The following TRPC5 variants were observed in gnomAD, a reference collection of about 807,000 sequenced individuals.
TRPC5 encodes the protein transient receptor potential cation channel subfamily C member 5, also known as short transient receptor potential channel 5.
TRPC5 carries 9 observed loss-of-function variants against 56.5 expected under a neutral mutation model. The ratio of observed to expected loss-of-function variants is 0.16; its 90% confidence interval spans 0.10 to 0.28. The LOEUF (loss-of-function observed/expected upper bound fraction) is 0.28, where lower values mean the gene tolerates loss of function less well. Ranked by LOEUF, TRPC5 falls within the 10% of genes least tolerant of loss-of-function variation. TRPC5 has a pLI of 1.00. For synonymous variants in TRPC5, 282 were observed against 278.5 expected (o/e 1.01, Z -0.13); for missense variants, 469 against 748.9 (o/e 0.63, Z 4.36).
chrX:111,981,897 G>T (rs1408054537), intron 1 of TRPC5, among the ~76,000 whole-genome samples: 2 of 112,176 alleles, frequency 1.8e-5, no homozygotes, highest in Non-Finnish European at 3.8e-5. Context: ...ATGCCGAATT[G>T]TAATCCCCAC....
chrX:111,862,672 G>A lies in TRPC5; in HGVS notation c.901-8566C>T, dbSNP rs1055660444. On this transcript the variant is annotated intron_variant, in intron 3 of 10. Transcript: ENST00000262839. The stretch of plus-strand genomic sequence containing the variant: ...TTGCATGTGGATATCCATTTGTCCC[G>A]GCACTATTTTTTGAAAACACTACTA... Among the ~76,000 whole-genome samples the A allele has an allele frequency of 1.3e-4, 15 of 111,582 alleles. No individual in the cohort carries two copies. The East Asian group carries it at 1.4e-3, about 10-fold the overall frequency.
At chrX:111,965,488 C>G (rs1927535107) in intron 1 of TRPC5, among the ~76,000 whole-genome samples, 1 of 111,833 alleles carries the variant, frequency 8.9e-6, no homozygotes, top group Non-Finnish European at 1.9e-5. Context: ...TAGACATCTA[C>G]AGAACTCTCC....
intron 1 of TRPC5, among the ~76,000 whole-genome samples, chrX:112,053,905 T>C (rs911037922): frequency 1.8e-5 from 2 of 111,864 alleles, no homozygotes; most frequent in African/African-American, 6.5e-5. Context: ...GTCACATATA[T>C]TGAATTAGCT....
chrX:111,918,328 C>A (rs937170504), intron 2 of TRPC5, among the ~76,000 whole-genome samples: 3 of 111,228 alleles, frequency 2.7e-5, no homozygotes, highest in African/African-American at 9.8e-5. Flanking sequence ...AGATCAGATG[C>A]TTTGAGTGAG....
At chrX:111,951,000 C>T (rs190724915) in intron 2 of TRPC5, among the ~76,000 whole-genome samples, 1 of 112,128 alleles carries the variant, frequency 8.9e-6, no homozygotes, top group East Asian at 2.8e-4. Context: ...ATGGCAGGCT[C>T]ATATCCTATT....
chrX:111,862,272 G>A (rs1327750736), intron 3 of TRPC5, among the ~76,000 whole-genome samples: 1 of 111,699 alleles, frequency 9.0e-6, no homozygotes, highest in Admixed American at 9.5e-5. Context: ...TGGCACCAAG[G>A]CCTGATTCTT....
intron 1 of TRPC5, among the ~76,000 whole-genome samples, chrX:111,973,936 T>C (rs1927851761): frequency 9.0e-6 from 1 of 111,372 alleles, no homozygotes; most frequent in African/African-American, 3.3e-5. Context: ...AGTTGGCAAA[T>C]GCTATAAATC....
At chrX:112,002,427 G>A (rs1445744640) in intron 1 of TRPC5, among the ~76,000 whole-genome samples, 1 of 111,526 alleles carries the variant, frequency 9.0e-6, no homozygotes, top group East Asian at 2.8e-4. Context: ...GAGTAGCTGG[G>A]ACTACAGACC....
At chrX:112,041,288 G>T (rs974323269) in intron 1 of TRPC5, among the ~76,000 whole-genome samples, 1 of 111,868 alleles carries the variant, frequency 8.9e-6, no homozygotes, top group Non-Finnish European at 1.9e-5. Flanking sequence ...ATAAAGAAAA[G>T]TTAATAATTA....
intron 1 of TRPC5, among the ~76,000 whole-genome samples, chrX:111,959,728 T>A (rs1927324973): frequency 9.0e-6 from 1 of 111,643 alleles, no homozygotes; most frequent in African/African-American, 3.3e-5. Flanking sequence ...TCATTGCATA[T>A]TGATCAAAGG....
At chrX:111,862,407 T>G (rs1436337614) in intron 3 of TRPC5, among the ~76,000 whole-genome samples, 1 of 112,161 alleles carries the variant, frequency 8.9e-6, no homozygotes, top group Middle Eastern at 4.6e-3. Context: ...ATAATACTTC[T>G]ATGTATTTTA....
chrX:111,838,931 G>A (rs1166435869), intron 6 of TRPC5, among the ~76,000 whole-genome samples: 1 of 111,949 alleles, frequency 8.9e-6, no homozygotes, highest in Non-Finnish European at 1.9e-5. Flanking sequence ...GACCAACAAA[G>A]AAGAACTAGA....
At chrX:111,854,384 C>T (rs941571548) in intron 3 of TRPC5, among the ~76,000 whole-genome samples, 8 of 111,522 alleles carry the variant, frequency 7.2e-5, no homozygotes, top group African/African-American at 2.3e-4. Context: ...TTCCTATTGT[C>T]CCTCCCACCT....
intron 3 of TRPC5, among the ~76,000 whole-genome samples, chrX:111,911,805 A>T (rs950037652): frequency 2.7e-5 from 3 of 112,201 alleles, no homozygotes; most frequent in African/African-American, 9.7e-5. Context: ...CAGTTGTGCC[A>T]ACAATTACCA....
intron 2 of TRPC5, among the ~76,000 whole-genome samples, chrX:111,934,612 C>A (rs887752410): frequency 5.4e-5 from 6 of 111,384 alleles, no homozygotes; most frequent in Admixed American, 9.6e-5. Flanking sequence ...CTTCCCCCAC[C>A]CCAACTACTA....
intron 1 of TRPC5, among the ~76,000 whole-genome samples, chrX:112,034,436 A>G (rs1929674266): frequency 9.3e-6 from 1 of 107,768 alleles, no homozygotes; most frequent in Admixed American, 1.0e-4. Flanking sequence ...TTCTTTTTGG[A>G]TACTTCATTG....
chrX:111,783,042 A>G (rs1172181320), intron 7 of TRPC5, among the ~76,000 whole-genome samples: 1 of 111,964 alleles, frequency 8.9e-6, no homozygotes, highest in African/African-American at 3.3e-5. Flanking sequence ...ATGTCATATA[A>G]ATGGAATCAT....
chrX:112,078,346 G>A (rs764570276), intron 1 of TRPC5, among the ~76,000 whole-genome samples: 1 of 111,404 alleles, frequency 9.0e-6, no homozygotes, highest in Non-Finnish European at 1.9e-5. Flanking sequence ...TGGTAAACTT[G>A]ACTTTAGTTA....
intron 7 of TRPC5, among the ~76,000 whole-genome samples, chrX:111,814,805 CT>C (rs1478276688): frequency 9.1e-6 from 1 of 110,290 alleles, no homozygotes; most frequent in Non-Finnish European, 1.9e-5. Flanking sequence ...GCGTGTGTTA[CT>C]TTTTTTTACT....
Sources: gnomAD v4.1 joint callset for allele counts (sites outside exome capture counted in the v4.1 genomes callset) on GRCh38, gnomAD v4.1.1 for gene constraint, MANE v1.5 for transcripts, NCBI Gene and HGNC (gene_info 2026-07-23, HGNC 2026-07-21) for gene names.